FIG4: variants seen among roughly 807,000 people sequenced by gnomAD.
The protein encoded by FIG4 is FIG4 phosphoinositide 5-phosphatase.
A neutral mutation model predicts 118.6 loss-of-function variants in FIG4; 112 were observed. The observed-to-expected ratio is 0.94, with a 90% CI of 0.81 to 1.11. The LOEUF is 1.11. Ranked by LOEUF, FIG4 falls within the 50% of genes least tolerant of loss-of-function variation. FIG4 has a pLI of 0.00. For synonymous variants in FIG4, 369 were observed against 381.2 expected (o/e 0.97, Z 0.37); for missense variants, 969 against 1,111.7 (o/e 0.87, Z 1.83).
intron 10 of FIG4, among the ~76,000 whole-genome samples, chr6:109,750,626 CTGT>C (rs1776661250): frequency 6.6e-6 from 1 of 152,014 alleles, no homozygotes; most frequent in Non-Finnish European, 1.5e-5. Context: ...GAGTGAGACC[CTGT>C]CTCTTTATAA....
chr6:109,754,503 T>C (rs1470396048), intron 10 of FIG4, among the ~76,000 whole-genome samples: 2 of 152,230 alleles, frequency 1.3e-5, no homozygotes, highest in Non-Finnish European at 2.9e-5. Context: ...TGGAATAGTT[T>C]CAGAAGGAAT....
At chr6:109,822,226 T>C (rs903616338) in intron 22 of FIG4, among the ~76,000 whole-genome samples, 1 of 151,998 alleles carries the variant, frequency 6.6e-6, no homozygotes, top group Non-Finnish European at 1.5e-5. Context: ...GGGTAGGGGA[T>C]TGTGATGGGG....
At chr6:109,794,226 A>G (rs1310628753) in intron 21 of FIG4, among the ~76,000 whole-genome samples, 6 of 152,232 alleles carry the variant, frequency 3.9e-5, no homozygotes, top group Non-Finnish European at 7.3e-5. Flanking sequence ...GTAGTAGATT[A>G]AAAAGATATT....
chr6:109,795,126 T>G (rs1157657296), intron 21 of FIG4, among the ~76,000 whole-genome samples: 3 of 64,396 alleles, frequency 4.7e-5, no homozygotes, highest in African/African-American at 1.9e-4. Context: ...TTTTTTTTTT[T>G]TTTTTTTTTG....
intron 4 of FIG4, 24 bp from the exon 5 acceptor site, chr6:109,732,613 T>A (rs1678745166): frequency 9.0e-7 from 1 of 1,112,590 alleles, no homozygotes; most frequent in African/African-American, 2.2e-5. Flanking sequence ...ACAAATGAAA[T>A]GTACTTTGTT....
At chr6:109,789,517 G>A (rs1159382500) in intron 18 of FIG4, 77 bp from the exon 19 acceptor site, 2 of 1,020,968 alleles carry the variant, frequency 2.0e-6, no homozygotes, top group South Asian at 1.3e-5. Flanking sequence ...TATTGTAAGA[G>A]TGTGAACTGA....
At chr6:109,766,331 A>C (rs1285444171) in intron 14 of FIG4, among the ~76,000 whole-genome samples, 1 of 152,230 alleles carries the variant, frequency 6.6e-6, no homozygotes. Context: ...GTCTTGTTGC[A>C]GCAGCTCGAA....
intron 3 of FIG4, among the ~76,000 whole-genome samples, chr6:109,722,043 A>C (rs558370066): frequency 2.2e-4 from 34 of 152,300 alleles, no homozygotes; most frequent in African/African-American, 7.9e-4. Flanking sequence ...TTTAATCCCA[A>C]TTACATTCCA....
intron 3 of FIG4, among the ~76,000 whole-genome samples, chr6:109,725,667 G>C (rs1775781494): frequency 6.6e-6 from 1 of 152,132 alleles, no homozygotes; most frequent in African/African-American, 2.4e-5. Flanking sequence ...CTAGATTCTT[G>C]AGGAATCACC....
chr6:109,745,271 G>A (rs188354788), intron 10 of FIG4, among the ~76,000 whole-genome samples: 49 of 152,238 alleles, frequency 3.2e-4, no homozygotes, highest in Admixed American at 9.8e-4. Context: ...GTGTAAAAGC[G>A]TTCCTATTTT....
intron 1 of FIG4, among the ~76,000 whole-genome samples, chr6:109,695,354 A>T (rs1774678375): frequency 6.6e-6 from 1 of 152,180 alleles, no homozygotes; most frequent in South Asian, 2.1e-4. Flanking sequence ...CAAAATTGGA[A>T]CTGTAAGGCA....
intron 1 of FIG4, 96 bp downstream of exon 1, chr6:109,691,597 C>T: frequency 9.2e-7 from 1 of 1,081,984 alleles, no homozygotes; most frequent in African/African-American, 1.6e-5. Context: ...GCCTCCTCCT[C>T]CTTCCTCTCC....
chr6:109,818,001 C>T (rs1414544223), intron 22 of FIG4, among the ~76,000 whole-genome samples: 1 of 152,214 alleles, frequency 6.6e-6, no homozygotes, highest in Non-Finnish European at 1.5e-5. Context: ...AAATGACTCC[C>T]AAAACCATAT....
chr6:109,759,300 TG>T (rs1470913045), intron 10 of FIG4, among the ~76,000 whole-genome samples: 2 of 151,780 alleles, frequency 1.3e-5, no homozygotes, highest in Non-Finnish European at 2.9e-5. Flanking sequence ...TTGAGAGTGA[TG>T]GAACTACCTA....
At chr6:109,785,521 A>G (rs1052262359) in intron 17 of FIG4, 1 of 294,120 alleles carries the variant, frequency 3.4e-6, no homozygotes, top group African/African-American at 2.2e-5. Flanking sequence ...GGCAGGAAAC[A>G]TTCTATATTA....
chr6:109,702,241 A>C (rs1774930004), intron 1 of FIG4, among the ~76,000 whole-genome samples: 1 of 152,238 alleles, frequency 6.6e-6, no homozygotes, highest in Admixed American at 6.5e-5. Context: ...TCATTATAAA[A>C]GAAGATAATG....
Position 109,721,713 on chromosome 6 carries a change from A to G in FIG4, c.289+5145A>G, listed in dbSNP as rs139554982. 6.6e-3 allele frequency among the ~76,000 whole-genome samples: 1,007 copies of G among 152,282 alleles called. 9 individuals carry two copies. Among genetic ancestry groups the G allele is most frequent in the South Asian group, 0.014 (67 of 4,820 alleles). On this transcript the variant is annotated intron_variant, in intron 3 of 22. Coordinates refer to ENST00000230124, the MANE Select transcript of FIG4 (RefSeq NM_014845.6). ...ACAGGCTGATTCTTGGTGGATGTCT[A>G]TGCCAAGCTGAAGCCTTTAATTGTT...
intron 6 of FIG4, among the ~76,000 whole-genome samples, chr6:109,737,110 C>T (rs922995964): frequency 6.6e-6 from 1 of 152,086 alleles, no homozygotes. Flanking sequence ...TTCTTCTTGC[C>T]ATGTAATGTA....
intron 3 of FIG4, among the ~76,000 whole-genome samples, chr6:109,725,449 C>T (rs1314094789): frequency 6.6e-6 from 1 of 152,122 alleles, no homozygotes; most frequent in Non-Finnish European, 1.5e-5. Flanking sequence ...TTTTTTATGG[C>T]TGCATAGTAT....
Sources: allele counts gnomAD v4.1 joint callset (sites outside exome capture counted in the v4.1 genomes callset), GRCh38; gene constraint gnomAD v4.1.1; transcripts MANE v1.5; gene names NCBI Gene and HGNC (gene_info 2026-07-23, HGNC 2026-07-21).